CCND3: variants seen among roughly 807,000 people sequenced by gnomAD.
CCND3 encodes the protein cyclin D3.
CCND3 carries 9 observed loss-of-function variants against 28.7 expected under a neutral mutation model. The observed-to-expected ratio is 0.31, with a 90% confidence interval of 0.19 to 0.55. CCND3 has a LOEUF of 0.55. CCND3 is among the 20% of genes least tolerant of loss of function. CCND3 has a pLI of 0.93. For missense variants in CCND3, 315 were observed against 385.8 expected, an observed-to-expected ratio of 0.82 and a Z score of 1.54; for synonymous variants, 164 against 163.9, an observed-to-expected ratio of 1.00 and a Z score of 0.00.
chr6:41,986,733 T>C (rs1172782203), intron 1 of CCND3, among the ~76,000 whole-genome samples: 1 of 152,068 alleles, frequency 6.6e-6, no homozygotes, highest in Non-Finnish European at 1.5e-5. Flanking sequence ...TTACTTCTTC[T>C]TTTCCAATTT....
At chr6:41,944,119 C>T (rs976782364), upstream of CCND3, among the ~76,000 whole-genome samples, 3 of 151,848 alleles carry the variant, frequency 2.0e-5, no homozygotes, top group African/African-American at 7.3e-5. Context: ...TCACTGGAAG[C>T]TAGGAGTTGA....
chr6:41,941,046 C>T lies in CCND3; in HGVS notation c.198+406G>A, dbSNP rs765035033. On this transcript the variant is annotated intron_variant, in intron 1 of 4. Coordinates refer to ENST00000372991, the MANE Select transcript of CCND3 (RefSeq NM_001760.5). This position sits in a 1 kb window ranked among gnomAD's most constrained non-coding sequence, Gnocchi z 6.1. ...GCGCGCGCCACCCCCATCGCCTTCC[C>T]CGCCAGAACCCCGCGAAAGACACAG... 1.1e-5 allele frequency: 18 copies of T among 1,596,330 alleles called. No homozygotes were observed. The African/African-American group carries it at 2.4e-4, about 21-fold the overall frequency.
At chr6:41,944,988 G>A (rs917193218), upstream of CCND3, among the ~76,000 whole-genome samples, 1 of 152,212 alleles carries the variant, frequency 6.6e-6, no homozygotes, top group African/African-American at 2.4e-5. Context: ...CAAAGAAATA[G>A]AGGCTCCTCT....
upstream of CCND3, among the ~76,000 whole-genome samples, chr6:41,946,395 G>C (rs1776168267): frequency 6.6e-6 from 1 of 151,020 alleles, no homozygotes; most frequent in Admixed American, 6.6e-5. Flanking sequence ...CCAGGAGTTT[G>C]AGACCGCCTG....
At chr6:42,008,796 C>A (rs1349842555) in intron 1 of CCND3, among the ~76,000 whole-genome samples, 1 of 152,132 alleles carries the variant, frequency 6.6e-6, no homozygotes, top group East Asian at 1.9e-4. Context: ...TTTCATGCTA[C>A]ATCATGGTGG....
intron 1 of CCND3, among the ~76,000 whole-genome samples, chr6:41,987,531 G>GTGTT: frequency 1.6e-5 from 2 of 122,158 alleles, no homozygotes; most frequent in Admixed American, 8.3e-5. Flanking sequence ...GTGTGTGTGT[G>GTGTT]TGTGTGTGTG....
At chr6:41,965,311 G>A (rs565405462) in intron 1 of CCND3, among the ~76,000 whole-genome samples, 38 of 151,874 alleles carry the variant, frequency 2.5e-4, no homozygotes, top group African/African-American at 8.0e-4. Context: ...CTCGTGATCC[G>A]CCTGCCCCGG....
At chr6:41,964,676 G>C (rs780776564) in intron 1 of CCND3, among the ~76,000 whole-genome samples, 3 of 152,140 alleles carry the variant, frequency 2.0e-5, no homozygotes, top group African/African-American at 7.2e-5. Flanking sequence ...CAGCAGGTTG[G>C]GTGCATGACA....
upstream of CCND3, among the ~76,000 whole-genome samples, chr6:41,944,227 C>T (rs543520451): frequency 3.9e-5 from 6 of 152,166 alleles, no homozygotes; most frequent in Non-Finnish European, 8.8e-5. Context: ...GTCCCAGCTA[C>T]TAGGGAGACC....
intron 1 of CCND3, among the ~76,000 whole-genome samples, chr6:41,964,451 AGTCT>A (rs1761813162): frequency 9.1e-6 from 1 of 109,534 alleles, no homozygotes; most frequent in African/African-American, 3.3e-5. Flanking sequence ...TGAATGTGTG[AGTCT>A]GTGTGTGAGT....
chr6:41,940,678 C>CA (rs1775974224), intron 1 of CCND3, 93 bp from the exon 2 acceptor site: 25 of 894,060 alleles, frequency 2.8e-5, no homozygotes, highest in South Asian at 2.7e-4. Flanking sequence ...GGATAGGGAG[C>CA]AAAAACGGCA....
chr6:42,033,179 T>C (rs1764092739), intron 1 of CCND3, among the ~76,000 whole-genome samples: 1 of 152,062 alleles, frequency 6.6e-6, no homozygotes, highest in Non-Finnish European at 1.5e-5. Flanking sequence ...TGGCCGGGCA[T>C]GGTGGCTCAC....
chr6:41,990,177 T>A (rs916788447), intron 1 of CCND3, among the ~76,000 whole-genome samples: 8 of 151,218 alleles, frequency 5.3e-5, no homozygotes, highest in Admixed American at 2.6e-4. Flanking sequence ...GAAAAAGAAA[T>A]CAAGAATGCA....
At chr6:42,020,074 C>T (rs1276307505) in intron 1 of CCND3, among the ~76,000 whole-genome samples, 1 of 152,020 alleles carries the variant, frequency 6.6e-6, no homozygotes, top group Non-Finnish European at 1.5e-5. Context: ...GTCAGGAGAT[C>T]GAGACCATCC....
At position 41,936,081 on chromosome 6, in the gene CCND3, C is replaced by T; in HGVS notation, c.738G>A (p.Gln246=). The part of the protein sequence containing the change: ...EVDCLRACQE[Q]IEAALRESLR... The stretch of plus-strand genomic sequence containing the variant: ...GGCTCTCCCTGAGTGCAGCTTCGAT[C>T]TGCTCCTGACAGGCCCGCAGGCAGT... The change falls in exon 5 of 5, where the codon CAG becomes CAA. Residue 246 remains glutamine (Q), a synonymous_variant. Coordinates refer to ENST00000372991, the MANE Select transcript of CCND3 (RefSeq NM_001760.5). This position sits in a 1 kb window ranked among gnomAD's most constrained non-coding sequence, Gnocchi z 4.4. 2.2e-5 allele frequency: 36 copies of T among 1,603,316 alleles called. No individual in the cohort carries two copies. Among genetic ancestry groups the T allele is most frequent in the Non-Finnish European group, 3.1e-5 (36 of 1,173,928 alleles).
chr6:41,995,945 A>T (rs866027451), intron 1 of CCND3, among the ~76,000 whole-genome samples: 23 of 151,352 alleles, frequency 1.5e-4, no homozygotes, highest in South Asian at 2.1e-4. Flanking sequence ...TGTTAATAAA[A>T]TTTTTTTAAA....
At chr6:41,982,143 G>A (rs1236586198) in intron 1 of CCND3, among the ~76,000 whole-genome samples, 7 of 151,420 alleles carry the variant, frequency 4.6e-5, no homozygotes, top group African/African-American at 1.7e-4. Flanking sequence ...GGTGGTGGGT[G>A]CCTGTAGTCC....
chr6:42,034,970 C>G (rs193182032), intron 1 of CCND3, among the ~76,000 whole-genome samples: 31 of 152,220 alleles, frequency 2.0e-4, no homozygotes, highest in African/African-American at 7.2e-4. Context: ...CCATTATTTC[C>G]CCCCATTCAT....
chr6:41,935,620 G>GA lies in CCND3; in HGVS notation c.*319_*320insT, dbSNP rs1290199632. 1.3e-5 allele frequency: 6 copies of GA among 470,760 alleles called. No individual in the cohort carries two copies. In the South Asian group the frequency reaches 2.4e-4, roughly 19 times the overall value. The allele number at this position is 470,760 out of a possible 1,614,324, so 29.2% of individuals were successfully genotyped here. A position where few individuals can be genotyped will look rare whatever the true frequency, so the allele number is the denominator to read the frequency against. ...AAAACATGAGAGCCCCCAGGGGTGG[G>GA]GGGGGGCGTTCAAAAGGAATGCTGG... On this transcript the variant is annotated 3_prime_UTR_variant, in exon 5 of 5. Coordinates refer to ENST00000372991, the MANE Select transcript of CCND3 (RefSeq NM_001760.5).
Sources: allele counts gnomAD v4.1 joint callset (sites outside exome capture counted in the v4.1 genomes callset), GRCh38; gene constraint gnomAD v4.1.1; non-coding constraint Gnocchi (gnomAD v3.1); transcripts MANE v1.5; gene names NCBI Gene and HGNC (gene_info 2026-07-23, HGNC 2026-07-21).